Variants in RGS6 observed in about 807,000 individuals in gnomAD.
RGS6 encodes regulator of G-protein signaling 6.
A neutral mutation model predicts 78.5 loss-of-function variants in RGS6; 30 were observed. The ratio of observed to expected loss-of-function variants is 0.38; its 90% confidence interval spans 0.29 to 0.52. RGS6 has a LOEUF of 0.52. Among genes scored for constraint, RGS6 ranks in the 20% least tolerant of loss-of-function variants. The pLI, the probability that RGS6 is intolerant of heterozygous loss-of-function variation, is 0.85. For missense variants in RGS6, 495 were observed against 609.7 expected, an observed-to-expected ratio of 0.81 and a Z score of 1.98; for synonymous variants, 206 against 206.0, an observed-to-expected ratio of 1.00 and a Z score of 0.00.
chr14:72,510,141 C>T lies in RGS6; in HGVS notation c.966-13C>T, dbSNP rs753137305. On this transcript the variant is annotated splice_polypyrimidine_tract_variant and intron_variant, in intron 13 of 17. Transcript: ENST00000553525. The stretch of plus-strand genomic sequence containing the variant: ...TATTGATCTTCTTTAAACCTTCTTC[C>T]TTCACCCCAAAGCAAAGAGCCCAGC... 2 of 1,585,532 alleles carry T rather than the reference C, an allele frequency of 1.3e-6. No homozygotes were observed. Among genetic ancestry groups the T allele is most frequent in the South Asian group, 1.2e-5 (1 of 85,360 alleles).
chr14:72,161,829 A>G (rs1804792645), intron 2 of RGS6, among the ~76,000 whole-genome samples: 1 of 152,196 alleles, frequency 6.6e-6, no homozygotes, highest in South Asian at 2.1e-4. Flanking sequence ...AGAAAAAGCT[A>G]AGTTTGAGTT....
chr14:72,169,187 G>GT (rs1177472277), intron 2 of RGS6, among the ~76,000 whole-genome samples: 5 of 152,162 alleles, frequency 3.3e-5, no homozygotes, highest in African/African-American at 9.7e-5. Context: ...CTTCCCCTTG[G>GT]TTTGTAGAGT....
At chr14:72,557,403 A>G (rs1472218830) in intron 17 of RGS6, among the ~76,000 whole-genome samples, 2 of 152,172 alleles carry the variant, frequency 1.3e-5, no homozygotes, top group East Asian at 3.8e-4. Context: ...TGCTTTGCTC[A>G]GTGGAGAAGG....
chr14:72,054,784 G>C (rs550216964), intron 2 of RGS6, among the ~76,000 whole-genome samples: 98 of 152,098 alleles, frequency 6.4e-4, no homozygotes, highest in African/African-American at 2.2e-3. Flanking sequence ...TCATTCTCTT[G>C]CTTCACCCCT....
chr14:71,983,408 A>C (rs2094549900), intron 2 of RGS6, among the ~76,000 whole-genome samples: 1 of 152,246 alleles, frequency 6.6e-6, no homozygotes, highest in African/African-American at 2.4e-5. Flanking sequence ...TTTCTGTATT[A>C]GTTTGCTAAG....
At chr14:72,248,174 C>G (rs1012208227) in intron 2 of RGS6, among the ~76,000 whole-genome samples, 1 of 152,104 alleles carries the variant, frequency 6.6e-6, no homozygotes, top group African/African-American at 2.4e-5. Context: ...ATAACATGAC[C>G]CAGACATTAT....
At chr14:72,185,476 TCC>T (rs1384266639) in intron 2 of RGS6, among the ~76,000 whole-genome samples, 1 of 152,192 alleles carries the variant, frequency 6.6e-6, no homozygotes, top group Non-Finnish European at 1.5e-5. Context: ...AATGGTTATA[TCC>T]AAGTCCTCTC....
In RGS6 at chr14:71,995,563, G is replaced by A. The variant is rs572423662; in HGVS notation, c.84+30688G>A. On this transcript the variant is annotated intron_variant, in intron 2 of 17. Transcript: ENST00000553525. ...GTTTCCTTGATCTCCCTGTGCTTCCGTTTCCCAGTCTGTAAATGGAGATAA... is the reference window on the plus strand; with the variant it reads ...GTTTCCTTGATCTCCCTGTGCTTCCATTTCCCAGTCTGTAAATGGAGATAA... Among the ~76,000 whole-genome samples, 5 of 152,256 alleles carry A rather than the reference G, an allele frequency of 3.3e-5. No individual in the cohort carries two copies. The East Asian group carries it at 7.7e-4, about 24-fold the overall frequency.
chr14:72,512,951 A>G (rs189101635), intron 14 of RGS6, among the ~76,000 whole-genome samples: 7 of 152,286 alleles, frequency 4.6e-5, no homozygotes, highest in Admixed American at 4.6e-4. Flanking sequence ...CATGCCATGG[A>G]GGCCCCTGGG....
chr14:72,453,024 A>G (rs2095534265), intron 3 of RGS6, among the ~76,000 whole-genome samples: 1 of 152,186 alleles, frequency 6.6e-6, no homozygotes, highest in Non-Finnish European at 1.5e-5. Flanking sequence ...TGGAGGGAGG[A>G]CGTCGCTGGT....
chr14:71,898,830 C>T, the RGS6 span, among the ~76,000 whole-genome samples: 65 of 152,262 alleles, frequency 4.3e-4, no homozygotes, highest in African/African-American at 1.6e-3. Context: ...CATGTCCCCG[C>T]AAGGGACATG....
At chr14:72,084,477 GA>G (rs1409183950) in intron 2 of RGS6, among the ~76,000 whole-genome samples, 2 of 152,188 alleles carry the variant, frequency 1.3e-5, no homozygotes, top group Non-Finnish European at 2.9e-5. Flanking sequence ...GCTCAACTTT[GA>G]AAAGTTGTTG....
chr14:71,919,354 G>T, the RGS6 span, among the ~76,000 whole-genome samples: 1 of 152,188 alleles, frequency 6.6e-6, no homozygotes, highest in Non-Finnish European at 1.5e-5. Context: ...CATAAAGCTA[G>T]TTAGAGCACT....
chr14:72,370,107 T>C (rs907138330), intron 3 of RGS6, among the ~76,000 whole-genome samples: 12 of 151,396 alleles, frequency 7.9e-5, no homozygotes, highest in African/African-American at 2.7e-4. Context: ...TAGACTAGCC[T>C]ACTCAGACCA....
intron 13 of RGS6, among the ~76,000 whole-genome samples, chr14:72,495,569 A>T (rs1468621354): frequency 6.6e-6 from 1 of 152,076 alleles, no homozygotes; most frequent in African/African-American, 2.4e-5. Context: ...TTCCTGTTAG[A>T]CAGCAACAAT....
the RGS6 span, among the ~76,000 whole-genome samples, chr14:71,887,890 C>T: frequency 7.9e-5 from 12 of 152,024 alleles, no homozygotes; most frequent in African/African-American, 2.9e-4. Context: ...TGCTTTTTGC[C>T]CTTTGAAACA....
intron 2 of RGS6, among the ~76,000 whole-genome samples, chr14:72,026,674 T>C (rs1020160080): frequency 6.6e-6 from 1 of 152,190 alleles, no homozygotes; most frequent in Non-Finnish European, 1.5e-5. Context: ...GCTCCATGCT[T>C]TCAAAGCCCT....
At chr14:72,268,226 G>T (rs1379231330) in intron 2 of RGS6, among the ~76,000 whole-genome samples, 1 of 152,178 alleles carries the variant, frequency 6.6e-6, no homozygotes, top group Non-Finnish European at 1.5e-5. Context: ...AGCATGGCGG[G>T]TCCCTCATGA....
intron 3 of RGS6, among the ~76,000 whole-genome samples, chr14:72,445,481 ATTT>A (rs34316528): frequency 3.7e-4 from 54 of 147,796 alleles, no homozygotes; most frequent in African/African-American, 1.3e-3. Context: ...AAAAGATGTG[ATTT>A]TTTTTTTTTT....
Sources: allele counts gnomAD v4.1 joint callset (sites outside exome capture counted in the v4.1 genomes callset), GRCh38; gene constraint gnomAD v4.1.1; transcripts MANE v1.5; gene names NCBI Gene and HGNC (gene_info 2026-07-23, HGNC 2026-07-21).